AKT3: variants seen among roughly 807,000 people sequenced by gnomAD.
The protein encoded by AKT3 is RAC-gamma serine/threonine-protein kinase.
In AKT3, 15 loss-of-function variants were observed where a neutral mutation model predicts 65.3. The observed-to-expected ratio is 0.23, with a 90% CI of 0.15 to 0.35. The LOEUF (loss-of-function observed/expected upper bound fraction) is 0.35. AKT3 is among the 10% of genes least tolerant of loss of function. AKT3 has a pLI of 1.00. For missense variants in AKT3, 243 were observed against 576.5 expected (o/e 0.42, Z 5.92); for synonymous variants, 206 against 183.8 (o/e 1.12, Z -0.98).
At chr1:243,498,096 C>A (rs951914401), downstream of AKT3, among the ~76,000 whole-genome samples, 2 of 152,210 alleles carry the variant, frequency 1.3e-5, no homozygotes, top group Admixed American at 6.5e-5. Flanking sequence ...ACCAGGCCAC[C>A]TGCCTTATGT....
chr1:243,760,669 C>A (rs1408139792), intron 2 of AKT3, among the ~76,000 whole-genome samples: 1 of 152,106 alleles, frequency 6.6e-6, no homozygotes, highest in African/African-American at 2.4e-5. Flanking sequence ...TCCTTCAGCT[C>A]TCCTATTACA....
intron 4 of AKT3, among the ~76,000 whole-genome samples, chr1:243,659,907 T>C (rs184930834): frequency 1.3e-5 from 2 of 152,236 alleles, no homozygotes; most frequent in African/African-American, 4.8e-5. Flanking sequence ...GATTTTTGTA[T>C]CAATGTTCAT....
intron 8 of AKT3, among the ~76,000 whole-genome samples, chr1:243,609,405 C>T (rs1348267322): frequency 6.6e-6 from 1 of 151,154 alleles, no homozygotes; most frequent in African/African-American, 2.4e-5. Context: ...TAAAATTATA[C>T]ACCACATACA....
At chr1:243,803,201 T>C (rs1572375871) in intron 2 of AKT3, among the ~76,000 whole-genome samples, 1 of 152,128 alleles carries the variant, frequency 6.6e-6, no homozygotes, top group East Asian at 1.9e-4. Context: ...ATTATGAGCC[T>C]AGCACTACTA....
intron 6 of AKT3, among the ~76,000 whole-genome samples, chr1:243,633,469 T>A (rs1679754905): frequency 6.6e-6 from 1 of 152,072 alleles, no homozygotes; most frequent in Non-Finnish European, 1.5e-5. Flanking sequence ...ACACAATGCA[T>A]AAAGATGCAA....
chr1:243,681,913 CTTTAAAAATG>C (rs1469415754), intron 3 of AKT3, among the ~76,000 whole-genome samples: 1 of 152,036 alleles, frequency 6.6e-6, no homozygotes, highest in Non-Finnish European at 1.5e-5. Context: ...AAAGCAGGCT[CTTTAAAAATG>C]TTAATTTTCT....
At chr1:243,615,252 C>T in intron 6 of AKT3, 91 bp from the exon 7 acceptor site, 1 of 971,850 alleles carries the variant, frequency 1.0e-6, no homozygotes, top group Non-Finnish European at 1.5e-6. Context: ...AGAGGTTAAG[C>T]CCAGAGATTG....
intron 6 of AKT3, among the ~76,000 whole-genome samples, chr1:243,622,058 T>C (rs1008204305): frequency 3.9e-5 from 6 of 152,140 alleles, no homozygotes; most frequent in African/African-American, 1.4e-4. Context: ...GGCATAAAAA[T>C]TTCCAAAGGC....
intron 8 of AKT3, chr1:243,613,092 C>CAA (rs201512950): frequency 7.3e-6 from 1 of 136,748 alleles, no homozygotes; most frequent in Non-Finnish European, 1.5e-5. Context: ...CACACACACA[C>CAA]ACACACACAT....
chr1:243,547,979 A>C (rs946911362), intron 11 of AKT3: 1 of 152,210 alleles, frequency 6.6e-6, no homozygotes, highest in Non-Finnish European at 1.5e-5. Context: ...GTGAGAGCTC[A>C]GCATTTCAGA....
intron 12 of AKT3, among the ~76,000 whole-genome samples, chr1:243,523,815 A>G (rs1291960851): frequency 6.6e-6 from 1 of 152,244 alleles, no homozygotes; most frequent in Non-Finnish European, 1.5e-5. Flanking sequence ...CTCTTCTACT[A>G]AACTGTAAGC....
chr1:243,581,243 G>GCCAA (rs1043131831), intron 8 of AKT3, among the ~76,000 whole-genome samples: 1 of 152,188 alleles, frequency 6.6e-6, no homozygotes, highest in African/African-American at 2.4e-5. Flanking sequence ...CCTGCCCTCT[G>GCCAA]CCAACCCCCT....
intron 3 of AKT3, among the ~76,000 whole-genome samples, chr1:243,679,969 T>C (rs751738082): frequency 7.9e-5 from 12 of 152,234 alleles, no homozygotes; most frequent in South Asian, 2.1e-4. Context: ...GCATATGAAA[T>C]AGTGCTGTAA....
At chr1:243,584,056 A>G (rs12136847) in intron 8 of AKT3, among the ~76,000 whole-genome samples, 80,196 of 151,926 alleles carry the variant, frequency 0.53, 24,345 homozygotes, top group Non-Finnish European at 0.68. Flanking sequence ...AAGGATAAAG[A>G]AGATTGCTAG....
intron 6 of AKT3, among the ~76,000 whole-genome samples, chr1:243,634,831 T>A (rs936482706): frequency 6.6e-6 from 1 of 151,880 alleles, no homozygotes; most frequent in Non-Finnish European, 1.5e-5. Flanking sequence ...CAGAAAGCAA[T>A]GACCATTTTA....
intron 2 of AKT3, among the ~76,000 whole-genome samples, chr1:243,705,646 CAG>C (rs1295988818): frequency 6.6e-6 from 1 of 152,114 alleles, no homozygotes; most frequent in Non-Finnish European, 1.5e-5. Flanking sequence ...GGTGGAGACA[CAG>C]AGAACAAAGC....
At chr1:243,587,652 T>C (rs1675907970) in intron 8 of AKT3, among the ~76,000 whole-genome samples, 1 of 152,036 alleles carries the variant, frequency 6.6e-6, no homozygotes, top group Non-Finnish European at 1.5e-5. Context: ...CATAAAAATA[T>C]AGAAGCCATC....
chr1:243,564,576 A>G (rs1390962059), intron 9 of AKT3, among the ~76,000 whole-genome samples: 1 of 152,136 alleles, frequency 6.6e-6, no homozygotes, highest in Admixed American at 6.6e-5. Flanking sequence ...AATGTAAGAG[A>G]GGAGGAATTT....
At chr1:243,496,273 G>A (rs1000796916), downstream of AKT3, among the ~76,000 whole-genome samples, 3 of 152,218 alleles carry the variant, frequency 2.0e-5, no homozygotes, top group African/African-American at 7.2e-5. Flanking sequence ...GCGGGTGCGG[G>A]CGGAGCCGGG....
Sources: allele counts gnomAD v4.1 joint callset (sites outside exome capture counted in the v4.1 genomes callset), GRCh38; gene constraint gnomAD v4.1.1; transcripts MANE v1.5; gene names NCBI Gene and HGNC (gene_info 2026-07-23, HGNC 2026-07-21).